The following NPHP4 variants were observed in gnomAD, a reference collection of about 807,000 sequenced individuals.
NPHP4 encodes the protein nephrocystin-4.
A neutral mutation model predicts 155.8 loss-of-function variants in NPHP4; 151 were observed. That is an observed-to-expected ratio of 0.97 (90% CI 0.85 to 1.11). The LOEUF (loss-of-function observed/expected upper bound fraction) is 1.11, where lower values mean the gene tolerates loss of function less well. Among genes scored for constraint, NPHP4 ranks in the 50% least tolerant of loss-of-function variants. The probability of loss-of-function intolerance (pLI) is 0.00; values close to 1 mark genes in which losing one functional copy is unlikely to be tolerated. For missense variants in NPHP4, 1,956 were observed against 1,925.7 expected, an observed-to-expected ratio of 1.02 and a Z score of -0.29; for synonymous variants, 845 against 816.8, an observed-to-expected ratio of 1.03 and a Z score of -0.59.
intron 2 of NPHP4, among the ~76,000 whole-genome samples, chr1:5,985,515 C>T (rs979778170): frequency 6.6e-6 from 1 of 152,266 alleles, no homozygotes; most frequent in Admixed American, 6.5e-5. Flanking sequence ...TCCTCACTGC[C>T]AGGCTGAAAG....
At chr1:5,920,146 G>A (rs1447168997) in intron 11 of NPHP4, among the ~76,000 whole-genome samples, 1 of 152,116 alleles carries the variant, frequency 6.6e-6, no homozygotes, top group Non-Finnish European at 1.5e-5. Flanking sequence ...TAGCCAGGAT[G>A]GTCTCAATCT....
At chr1:5,956,064 G>C (rs1018232724) in intron 6 of NPHP4, among the ~76,000 whole-genome samples, 1 of 143,222 alleles carries the variant, frequency 7.0e-6, no homozygotes, top group Admixed American at 6.7e-5. Context: ...AAAGCTGGGG[G>C]GGGGGGGTGC....
At chr1:5,893,090 C>G (rs961303397) in intron 16 of NPHP4, among the ~76,000 whole-genome samples, 1 of 152,134 alleles carries the variant, frequency 6.6e-6, no homozygotes, top group Non-Finnish European at 1.5e-5. Context: ...TAACGCAGCA[C>G]CCCAGTGACA....
chr1:5,985,649 T>G (rs544225159), intron 2 of NPHP4, among the ~76,000 whole-genome samples: 12 of 152,386 alleles, frequency 7.9e-5, no homozygotes, highest in African/African-American at 2.4e-4. Context: ...TCAAAAGTGC[T>G]GACCATGTCA....
At position 5,969,245 on chromosome 1, in the gene NPHP4, G is replaced by A. The variant is rs1652112362; in HGVS notation, c.294C>T (p.His98=). 1 of 1,563,224 alleles carries A rather than the reference G, an allele frequency of 6.4e-7. No individual in the cohort carries two copies. Among genetic ancestry groups the A allele is most frequent in the Non-Finnish European group, 8.7e-7 (1 of 1,146,994 alleles). ...CGATATGAGGGTGGTTTAGGGATGT[G>A]TGAAAATACAAGGGCTGCAGAACAG... The part of the protein sequence containing the change: ...RIVFNEPLYF[H]TSLNHPHIVA... The change falls in exon 4 of 30, where the codon CAC becomes CAT. Residue 98 remains histidine (H), a synonymous_variant. Transcript: ENST00000378156.
intron 2 of NPHP4, among the ~76,000 whole-genome samples, chr1:5,985,794 G>A (rs1655387764): frequency 6.6e-6 from 1 of 152,132 alleles, no homozygotes. Context: ...ACCTATGATG[G>A]GACTCTATCC....
In NPHP4 at chr1:5,887,291, T is replaced by C. The variant is rs772030735; in HGVS notation, c.2480A>G (p.Asn827Ser). Reference sequence around the variant, plus strand: ...ACAAGGCTGGGGACTCTTACCCACGTTGGCCAAAGTCAGGTGCAGCCGGCC... The same window carrying C: ...ACAAGGCTGGGGACTCTTACCCACGCTGGCCAAAGTCAGGTGCAGCCGGCC... ...VKGRLHLTLANVGHPCEQKVR... is the reference protein window; with the variant it reads ...VKGRLHLTLASVGHPCEQKVR... The change falls in exon 18 of 30, where the codon AAC (asparagine) becomes AGC (serine). Residue 827 changes from asparagine to serine, a missense_variant. Physicochemically the swap from Asn to Ser is conservative, Grantham distance 46. Coordinates refer to ENST00000378156, the MANE Select transcript of NPHP4 (RefSeq NM_015102.5). 6.2e-7 allele frequency: 1 copy of C among 1,612,530 alleles called. No individual in the cohort carries two copies. The highest frequency in any genetic ancestry group is 8.5e-7 in the Non-Finnish European group (1 of 1,179,486).
Position 5,867,305 on chromosome 1 carries a change from C to T in NPHP4, c.3473-190G>A, listed in dbSNP as rs939001115. ...AGCACTGTGTTCCCTGCATGGACAC[C>T]GCCCATCCAGCCCACTGCGGCTCGG... On this transcript the variant is annotated intron_variant, in intron 24 of 29. Coordinates refer to ENST00000378156, the MANE Select transcript of NPHP4 (RefSeq NM_015102.5). The surrounding 1 kb of genome is among the most constrained non-coding windows in gnomAD (Gnocchi z 4.1). 12 of 583,470 alleles carry T rather than the reference C, an allele frequency of 2.1e-5. No individual in the cohort carries two copies. The highest frequency in any genetic ancestry group is 9.3e-5 in the African/African-American group (5 of 53,694). 36.1% of individuals were successfully genotyped at this position (583,470 alleles called of 1,614,324 possible). A position where few individuals can be genotyped will look rare whatever the true frequency, so the allele number is the denominator to read the frequency against.
intron 17 of NPHP4, 108 bp from the exon 18 acceptor site, chr1:5,887,574 C>T (rs993753067): frequency 4.6e-5 from 56 of 1,223,776 alleles, no homozygotes; most frequent in African/African-American, 5.9e-5. Flanking sequence ...CCACTGTGGG[C>T]GGGAGGGGGT....
At chr1:5,955,634 G>T (rs1649041548) in intron 6 of NPHP4, among the ~76,000 whole-genome samples, 1 of 152,276 alleles carries the variant, frequency 6.6e-6, no homozygotes, top group Non-Finnish European at 1.5e-5. Flanking sequence ...AGTGGAATAA[G>T]CCAAGCACAG....
In NPHP4 at chr1:5,875,140, C is replaced by T. The variant is rs769211628; in HGVS notation, c.2818-40G>A. ...ACATGGGTGGACAGGGTCCCAGGCA[C>T]ACTCTCCTCCACAAGGGGCTATTGC... is the stretch of plus-strand genomic sequence containing the variant. On this transcript the variant is annotated intron_variant, in intron 20 of 29. Coordinates refer to ENST00000378156, the MANE Select transcript of NPHP4 (RefSeq NM_015102.5). 10 of 1,466,878 alleles carry T rather than the reference C, an allele frequency of 6.8e-6. No individual in the cohort carries two copies. In the South Asian group the frequency reaches 8.3e-5, roughly 12 times the overall value. The allele number at this position is 1,466,878 out of a possible 1,614,324, so 90.9% of individuals were successfully genotyped here.
intron 3 of NPHP4, among the ~76,000 whole-genome samples, chr1:5,974,120 T>C (rs138181701): frequency 1.3e-5 from 2 of 152,368 alleles, no homozygotes; most frequent in Non-Finnish European, 2.9e-5. Context: ...CATCCACTTT[T>C]CAATGGGAAA....
chr1:5,933,136 T>C lies in NPHP4; in HGVS notation c.1302+11A>G, dbSNP rs1646362317. On this transcript the variant is annotated intron_variant, in intron 10 of 29. Coordinates refer to ENST00000378156, the MANE Select transcript of NPHP4 (RefSeq NM_015102.5). ...TCACCGGAGATGCATAAGAAATACC[T>C]AATAATTTACCTCTTCAGAGCTCAT... 1 of 1,525,814 alleles carries C rather than the reference T, an allele frequency of 6.6e-7. No homozygotes were observed. The highest frequency in any genetic ancestry group is 1.4e-5 in the African/African-American group (1 of 72,390). The allele number at this position is 1,525,814 out of a possible 1,614,324, so 94.5% of individuals were successfully genotyped here. A position where few individuals can be genotyped will look rare whatever the true frequency, so the allele number is the denominator to read the frequency against.
chr1:5,943,289 G>C lies in NPHP4; in HGVS notation c.1119+3815C>G, dbSNP rs1474135990. On this transcript the variant is annotated intron_variant, in intron 9 of 29. Coordinates refer to ENST00000378156, the MANE Select transcript of NPHP4 (RefSeq NM_015102.5). ...TGTCTTGGCAAAACTTTTGTTCCTA[G>C]TTTGTTTCCAATGACTACAAAATAC... Among the ~76,000 whole-genome samples the C allele has an allele frequency of 2.0e-5, 3 of 152,198 alleles. No individual in the cohort carries two copies. In the East Asian group the frequency reaches 5.8e-4, roughly 29 times the overall value.
At position 5,869,054 on chromosome 1, in the gene NPHP4, C is replaced by T. The variant is rs371764119; in HGVS notation, c.3316-1158G>A. 2.8e-4 allele frequency among the ~76,000 whole-genome samples: 40 copies of T among 142,566 alleles called. 1 individual carries two copies. The highest frequency in any genetic ancestry group is 2.4e-3 in the Admixed American group (34 of 14,382). The allele number at this position is 142,566 out of a possible 152,430, so 93.5% of individuals were successfully genotyped here. A position where few individuals can be genotyped will look rare whatever the true frequency, so the allele number is the denominator to read the frequency against. On this transcript the variant is annotated intron_variant, in intron 23 of 29. Transcript: ENST00000378156. ...ACATACATGCACACATGCCCCCACA[C>T]GCACACACATGCATGCCCACATGCA... is the stretch of plus-strand genomic sequence containing the variant.
At chr1:5,899,456 G>A (rs1199970347) in intron 16 of NPHP4, among the ~76,000 whole-genome samples, 1 of 152,204 alleles carries the variant, frequency 6.6e-6, no homozygotes, top group Non-Finnish European at 1.5e-5. Context: ...CAAAACTGAT[G>A]TACAGTGGCA....
At chr1:5,913,720 G>A (rs1321811234) in intron 11 of NPHP4, among the ~76,000 whole-genome samples, 2 of 152,202 alleles carry the variant, frequency 1.3e-5, no homozygotes, top group Non-Finnish European at 2.9e-5. Context: ...AGACAGGCAT[G>A]CCCTCAAGCC....
intron 19 of NPHP4, chr1:5,879,457 C>A (rs780011282): frequency 4.1e-6 from 2 of 486,338 alleles, no homozygotes; most frequent in South Asian, 3.0e-5. Context: ...CCATAATTGG[C>A]TTCTTTCTTC....
chr1:5,944,113 T>C lies in NPHP4; in HGVS notation c.1119+2991A>G, dbSNP rs1467241758. Among the ~76,000 whole-genome samples, 8 of 152,286 alleles carry C rather than the reference T, an allele frequency of 5.3e-5. No individual in the cohort carries two copies. In the East Asian group the frequency reaches 1.2e-3, roughly 22 times the overall value. Reference sequence around the variant, plus strand: ...ATGCCTGGAATTTGTTTCAGAATAATTCAAAACGGGTTGTGGGAGAGGACA... The same window carrying C: ...ATGCCTGGAATTTGTTTCAGAATAACTCAAAACGGGTTGTGGGAGAGGACA... On this transcript the variant is annotated intron_variant, in intron 9 of 29. Coordinates refer to ENST00000378156, the MANE Select transcript of NPHP4 (RefSeq NM_015102.5). This position sits in a 1 kb window ranked among gnomAD's most constrained non-coding sequence, Gnocchi z 4.3.
Sources: gnomAD v4.1 joint callset for allele counts (sites outside exome capture counted in the v4.1 genomes callset) on GRCh38, gnomAD v4.1.1 for gene constraint, Gnocchi (gnomAD v3.1) non-coding constraint, MANE v1.5 for transcripts, NCBI Gene and HGNC (gene_info 2026-07-23, HGNC 2026-07-21) for gene names.